KCTD19: variants seen among roughly 807,000 people sequenced by gnomAD.
KCTD19 encodes the protein potassium channel tetramerization domain containing 19, also known as BTB/POZ domain-containing protein KCTD19.
In KCTD19, 67 loss-of-function variants were observed where a neutral mutation model predicts 103.5. That is an observed-to-expected ratio of 0.65 (90% CI 0.53 to 0.79). The LOEUF is 0.79. Among genes scored for constraint, KCTD19 ranks in the 30% least tolerant of loss-of-function variants. The pLI is 0.00. For missense variants in KCTD19, 980 were observed against 1,136.1 expected, an observed-to-expected ratio of 0.86 and a Z score of 1.98; for synonymous variants, 439 against 452.2, an observed-to-expected ratio of 0.97 and a Z score of 0.37.
intron 1 of KCTD19, chr16:67,325,915 CT>C (rs777824146): frequency 0.065 from 8,357 of 129,308 alleles, 402 homozygotes; most frequent in African/African-American, 0.16. Flanking sequence ...AATTTCTTAC[CT>C]TTTTTTTTTT....
intron 6 of KCTD19, among the ~76,000 whole-genome samples, chr16:67,298,701 A>T (rs1193465792): frequency 6.6e-6 from 1 of 152,240 alleles, no homozygotes; most frequent in East Asian, 1.9e-4. Flanking sequence ...ATTCAGGGTC[A>T]GCTGACCCTC....
intron 2 of KCTD19, 87 bp from the exon 3 acceptor site, chr16:67,304,658 T>G: frequency 8.1e-7 from 1 of 1,237,910 alleles, no homozygotes; most frequent in Non-Finnish European, 1.2e-6. Flanking sequence ...AAAAACAGTA[T>G]GTGACTTACT....
rs1329544978 is a variant in KCTD19, at chr16:67,291,721, CAAAG to C, written c.2331_2334del (p.Phe777LeufsTer28). On this transcript the variant is annotated frameshift_variant, in exon 13 of 16. Coordinates refer to ENST00000304372, the MANE Select transcript of KCTD19 (RefSeq NM_001100915.3). LOFTEE classifies it high-confidence loss of function. Reference sequence around the variant, plus strand: ...TCCGTGGTATAGATGATGCTGTCCTCAAAGAACATGCAGAAGCCATCGCTGCCCA... The same window carrying C: ...TCCGTGGTATAGATGATGCTGTCCTCAACATGCAGAAGCCATCGCTGCCCA... 1 of 1,613,982 alleles carries C rather than the reference CAAAG, an allele frequency of 6.2e-7. No individual in the cohort carries two copies. Among genetic ancestry groups the C allele is most frequent in the Non-Finnish European group, 8.5e-7 (1 of 1,180,010 alleles).
chr16:67,324,402 T>C (rs2037107991), intron 1 of KCTD19, among the ~76,000 whole-genome samples: 1 of 152,252 alleles, frequency 6.6e-6, no homozygotes, highest in Admixed American at 6.5e-5. Flanking sequence ...CTGAAGTGAT[T>C]GGACTGCAAT....
intron 2 of KCTD19, among the ~76,000 whole-genome samples, chr16:67,309,820 G>A (rs1486961834): frequency 6.6e-6 from 1 of 152,214 alleles, no homozygotes; most frequent in East Asian, 1.9e-4. Context: ...TAGCTAGTTT[G>A]AGAGGAGATG....
In KCTD19 at chr16:67,308,575, C is replaced by T. The variant is rs145886389; in HGVS notation, c.301-4004G>A. Among the ~76,000 whole-genome samples the T allele has an allele frequency of 2.6e-3, 396 of 152,268 alleles. 1 individual carries two copies. Among genetic ancestry groups the T allele is most frequent in the Non-Finnish European group, 4.8e-3 (326 of 68,036 alleles). ...AACACATCACGTTCTTTGACACCTC[C>T]CCAGCTTTGTGTACGCTGTTCCATC... On this transcript the variant is annotated intron_variant, in intron 2 of 15. Coordinates refer to ENST00000304372, the MANE Select transcript of KCTD19 (RefSeq NM_001100915.3).
intron 15 of KCTD19, among the ~76,000 whole-genome samples, chr16:67,290,621 C>T (rs1422016255): frequency 6.6e-6 from 1 of 152,176 alleles, no homozygotes; most frequent in African/African-American, 2.4e-5. Flanking sequence ...ATATGTGTCC[C>T]TAAGTGTGGC....
In KCTD19 at chr16:67,297,514, A is replaced by C. The variant is rs1200426346; in HGVS notation, c.1136T>G (p.Met379Arg). 6.8e-6 allele frequency: 11 copies of C among 1,614,010 alleles called. No individual in the cohort carries two copies. The highest frequency in any genetic ancestry group is 3.3e-5 in the Admixed American group (2 of 60,004). ...THLEPRTLAPMDVLNEWTAEI... is the reference protein window; with the variant it reads ...THLEPRTLAPRDVLNEWTAEI... Reference sequence around the variant, plus strand: ...GCTTTCTCACTTACTGAGCACATCCATGGGTGCCAAAGTCCTTGGCTCCAG... The same window carrying C: ...GCTTTCTCACTTACTGAGCACATCCCTGGGTGCCAAAGTCCTTGGCTCCAG... Residue 379 changes from methionine to arginine, a missense_variant, in exon 7 of 16, where the codon ATG (methionine) becomes AGG (arginine). Physicochemically the swap from Met to Arg is moderately conservative, Grantham distance 91. Transcript: ENST00000304372.
At chr16:67,308,861 G>A (rs373846639) in intron 2 of KCTD19, among the ~76,000 whole-genome samples, 9 of 152,022 alleles carry the variant, frequency 5.9e-5, no homozygotes, top group African/African-American at 1.2e-4. Context: ...AGCCAGGTGC[G>A]GTGGCTCACA....
At chr16:67,291,259 A>G in intron 14 of KCTD19, 50 bp downstream of exon 14, 1 of 1,578,868 alleles carries the variant, frequency 6.3e-7, no homozygotes, top group Non-Finnish European at 8.6e-7. Flanking sequence ...GCAGGGGAAG[A>G]GGTGGAGAAG....
intron 15 of KCTD19, 148 bp downstream of exon 15, chr16:67,290,737 G>T: frequency 3.0e-6 from 2 of 658,348 alleles, no homozygotes; most frequent in Non-Finnish European, 5.1e-6. Context: ...TTAATTTCAT[G>T]CAGTTTCTCC....
At chr16:67,297,198 C>T (rs1162797807) in intron 7 of KCTD19, among the ~76,000 whole-genome samples, 1 of 152,146 alleles carries the variant, frequency 6.6e-6, no homozygotes, top group Non-Finnish European at 1.5e-5. Context: ...GAGGCTCCTC[C>T]CTGCATGGCT....
At chr16:67,297,439 T>C in intron 7 of KCTD19, 64 bp downstream of exon 7, 1 of 1,491,450 alleles carries the variant, frequency 6.7e-7, no homozygotes, top group Non-Finnish European at 9.3e-7. Context: ...ACATCATCTA[T>C]TCCCTCCAAT....
In KCTD19 at chr16:67,291,459, C is replaced by A. The variant is rs907494791; in HGVS notation, c.2415G>T (p.Val805=). Residue 805 remains valine, a synonymous_variant, in exon 14 of 16, where the codon GTG becomes GTT. Coordinates refer to ENST00000304372, the MANE Select transcript of KCTD19 (RefSeq NM_001100915.3). The stretch of plus-strand genomic sequence containing the variant: ...AGGACAGAGAGAAACTCAGGAAAGT[C>A]ACTTCTGTGGAGGAGGGAAAGTGGA... The part of the protein sequence containing the change: ...TPTASPQPQE[V]TFLSFSLSWE... The A allele has an allele frequency of 7.4e-6, 12 of 1,613,548 alleles. No homozygotes were observed. The highest frequency in any genetic ancestry group is 1.3e-5 in the African/African-American group (1 of 75,052).
At chr16:67,325,630 G>A (rs1025760509) in intron 1 of KCTD19, among the ~76,000 whole-genome samples, 1 of 152,086 alleles carries the variant, frequency 6.6e-6, no homozygotes, top group Non-Finnish European at 1.5e-5. Context: ...GGGCTCTTAA[G>A]TGCCTGCTGG....
Position 67,303,066 on chromosome 16 carries a change from C to T in KCTD19, c.643+80G>A, listed in dbSNP as rs1355104836. On this transcript the variant is annotated intron_variant, in intron 4 of 15. Coordinates refer to ENST00000304372, the MANE Select transcript of KCTD19 (RefSeq NM_001100915.3). This position sits in a 1 kb window ranked among gnomAD's most constrained non-coding sequence, Gnocchi z 4.3. Reference sequence around the variant, plus strand: ...CTGAGGCCCTGAGCACCAAGCTGGGCCTCTGTGGGACATGTGATGGGGAGG... The same window carrying T: ...CTGAGGCCCTGAGCACCAAGCTGGGTCTCTGTGGGACATGTGATGGGGAGG... 2.1e-6 allele frequency: 3 copies of T among 1,451,180 alleles called. No homozygotes were observed. Among genetic ancestry groups the T allele is most frequent in the Non-Finnish European group, 2.9e-6 (3 of 1,047,672 alleles). The allele number at this position is 1,451,180 out of a possible 1,614,324, so 89.9% of individuals were successfully genotyped here.
At chr16:67,302,955 T>C in intron 4 of KCTD19, 191 bp downstream of exon 4, 1 of 595,268 alleles carries the variant, frequency 1.7e-6, no homozygotes, top group East Asian at 2.9e-5. Flanking sequence ...AAAACAGCCC[T>C]GAGTCTAGTG....
Position 67,295,917 on chromosome 16 carries a change from G to A in KCTD19, c.1248+242C>T, listed in dbSNP as rs2036759603. On this transcript the variant is annotated intron_variant, in intron 8 of 15. Coordinates refer to ENST00000304372, the MANE Select transcript of KCTD19 (RefSeq NM_001100915.3). ...GTGCCATCACACCCAGCTAATTTTT[G>A]TATTTTTAGTACAGACGGGGTTTCA... The A allele has an allele frequency of 1.1e-5, 5 of 454,756 alleles. No individual in the cohort carries two copies. In the Admixed American group the frequency reaches 1.7e-4, roughly 15 times the overall value. 28.2% of individuals were successfully genotyped at this position (454,756 alleles called of 1,614,324 possible).
rs772997348 is a variant in KCTD19 at position 67,295,334 on chromosome 16, C to T, written c.1320G>A (p.Gly440=). 1.3e-5 allele frequency: 21 copies of T among 1,614,112 alleles called. No homozygotes were observed. The highest frequency in any genetic ancestry group is 3.3e-4 in the Middle Eastern group (2 of 6,060). ...ITYGQTLLIH[G]DGQMFRHILN... ...GAATGTGTCGGAACATCTGGCCATC[C>T]CCGTGGATGAGCAGGGTTTGTCCAT... The change falls in exon 9 of 16, where the codon GGG becomes GGA. Residue 440 remains glycine (G), a synonymous_variant. Transcript: ENST00000304372.
Sources: gnomAD v4.1 joint callset for allele counts (sites outside exome capture counted in the v4.1 genomes callset) on GRCh38, gnomAD v4.1.1 for gene constraint, Gnocchi (gnomAD v3.1) non-coding constraint, MANE v1.5 for transcripts, NCBI Gene and HGNC (gene_info 2026-07-23, HGNC 2026-07-21) for gene names.